SMYD3: variants seen among roughly 807,000 people sequenced by gnomAD.
The protein encoded by SMYD3 is SET and MYND domain containing 3.
A neutral mutation model predicts 57.7 loss-of-function variants in SMYD3; 36 were observed. The observed-to-expected ratio is 0.62, with a 90% CI of 0.48 to 0.82. The LOEUF (loss-of-function observed/expected upper bound fraction) is 0.82, where lower values mean the gene tolerates loss of function less well. SMYD3 is among the 40% of genes least tolerant of loss of function. SMYD3 has a pLI of 0.00. For synonymous variants in SMYD3, 211 were observed against 195.0 expected (o/e 1.08, Z -0.68); for missense variants, 515 against 538.8 (o/e 0.96, Z 0.44).
intron 8 of SMYD3, among the ~76,000 whole-genome samples, chr1:245,875,628 C>T (rs1401530788): frequency 1.1e-4 from 16 of 152,164 alleles, no homozygotes; most frequent in Admixed American, 1.0e-3. Context: ...TGATATAATG[C>T]TTCTCATACC....
chr1:246,060,696 C>G (rs978766578), intron 5 of SMYD3, among the ~76,000 whole-genome samples: 1 of 151,998 alleles, frequency 6.6e-6, no homozygotes, highest in Non-Finnish European at 1.5e-5. Flanking sequence ...AAAATGAGTC[C>G]TAGATCTCAT....
intron 5 of SMYD3, among the ~76,000 whole-genome samples, chr1:245,972,799 C>A (rs1201718487): frequency 6.6e-6 from 1 of 152,174 alleles, no homozygotes; most frequent in Non-Finnish European, 1.5e-5. Context: ...AGAATCCGGG[C>A]CCTGAATAAC....
rs1297448115 is a variant in SMYD3 at position 246,202,994 on chromosome 1, G to T, written c.531+124207C>A. Among the ~76,000 whole-genome samples the T allele has an allele frequency of 6.6e-6, 1 of 152,008 alleles. No homozygotes were observed. Among genetic ancestry groups the T allele is most frequent in the Non-Finnish European group, 1.5e-5 (1 of 67,982 alleles). On this transcript the variant is annotated intron_variant, in intron 5 of 11. Coordinates refer to ENST00000490107, the MANE Select transcript of SMYD3 (RefSeq NM_001167740.2). The surrounding 1 kb of genome is among the most constrained non-coding windows in gnomAD (Gnocchi z 4.1). The stretch of plus-strand genomic sequence containing the variant: ...ACAAAATTTAGCTGGTCGTGGTGGT[G>T]GGCGCCTATAATCCCAGCTACTCAG...
At chr1:246,161,685 A>G (rs189348065) in intron 5 of SMYD3, among the ~76,000 whole-genome samples, 1 of 152,374 alleles carries the variant, frequency 6.6e-6, no homozygotes, top group East Asian at 1.9e-4. Context: ...TATGGCTTAA[A>G]AGTATTGTTC....
intron 5 of SMYD3, among the ~76,000 whole-genome samples, chr1:246,201,114 A>G (rs930271025): frequency 1.3e-5 from 2 of 152,224 alleles, no homozygotes; most frequent in Non-Finnish European, 2.9e-5. Flanking sequence ...CTATTGACAG[A>G]AAATGGTGAT....
intron 5 of SMYD3, among the ~76,000 whole-genome samples, chr1:246,100,239 T>C (rs183795342): frequency 6.6e-6 from 1 of 152,316 alleles, no homozygotes; most frequent in East Asian, 1.9e-4. Flanking sequence ...TATTTTAGAT[T>C]AGTATAAGCT....
intron 10 of SMYD3, among the ~76,000 whole-genome samples, chr1:245,823,279 C>T (rs1376051326): frequency 6.6e-6 from 1 of 152,192 alleles, no homozygotes; most frequent in Non-Finnish European, 1.5e-5. Context: ...TGCTTCTCTG[C>T]CCTTCCCCCA....
At chr1:246,227,513 G>T (rs1003696786) in intron 5 of SMYD3, among the ~76,000 whole-genome samples, 1 of 152,170 alleles carries the variant, frequency 6.6e-6, no homozygotes, top group Non-Finnish European at 1.5e-5. Context: ...TACTCAGGAG[G>T]CTGAGGCAGG....
At chr1:245,942,155 A>T (rs1369795226) in intron 5 of SMYD3, among the ~76,000 whole-genome samples, 3 of 152,224 alleles carry the variant, frequency 2.0e-5, no homozygotes, top group Non-Finnish European at 4.4e-5. Flanking sequence ...AAATGGGCTA[A>T]ATGCCCCAAT....
At chr1:245,833,773 G>T (rs1221468220) in intron 10 of SMYD3, among the ~76,000 whole-genome samples, 1 of 151,978 alleles carries the variant, frequency 6.6e-6, no homozygotes, top group African/African-American at 2.4e-5. Flanking sequence ...TGCAGGCAGG[G>T]ACAACCTCAG....
At chr1:246,383,320 G>T (rs1470709845) in intron 1 of SMYD3, among the ~76,000 whole-genome samples, 1 of 152,146 alleles carries the variant, frequency 6.6e-6, no homozygotes, top group African/African-American at 2.4e-5. Context: ...TCAGTAAAAA[G>T]AATCTTTCTG....
intron 5 of SMYD3, among the ~76,000 whole-genome samples, chr1:246,040,100 C>G (rs911574322): frequency 1.3e-5 from 2 of 152,216 alleles, no homozygotes; most frequent in Non-Finnish European, 2.9e-5. Context: ...TTACAAGATC[C>G]TATCATGAAA....
intron 1 of SMYD3, among the ~76,000 whole-genome samples, chr1:246,366,896 A>T: frequency 7.3e-6 from 1 of 137,286 alleles, no homozygotes; most frequent in Non-Finnish European, 1.5e-5. Context: ...ATGTCATTGC[A>T]CTCCAGCCTG....
chr1:246,320,617 ATT>A (rs2065230028), intron 5 of SMYD3, among the ~76,000 whole-genome samples: 1 of 152,164 alleles, frequency 6.6e-6, no homozygotes, highest in Non-Finnish European at 1.5e-5. Context: ...TTTCTATTTT[ATT>A]GTTCAGATTT....
chr1:245,797,696 ATAT>A (rs2047600049), intron 10 of SMYD3, among the ~76,000 whole-genome samples: 2 of 151,990 alleles, frequency 1.3e-5, no homozygotes, highest in African/African-American at 4.8e-5. Flanking sequence ...AGATAGATAG[ATAT>A]AAAGAAAAGA....
intron 3 of SMYD3, among the ~76,000 whole-genome samples, chr1:246,333,112 G>A (rs2065486998): frequency 6.6e-6 from 1 of 152,188 alleles, no homozygotes; most frequent in Admixed American, 6.5e-5. Flanking sequence ...AAATGCCAGG[G>A]CCCTTACTAT....
At chr1:245,776,318 G>A (rs903262593) in intron 10 of SMYD3, among the ~76,000 whole-genome samples, 43 of 152,170 alleles carry the variant, frequency 2.8e-4, no homozygotes, top group Admixed American at 8.5e-4. Context: ...GGGATTTAAC[G>A]ATCTCAAAGA....
At chr1:246,374,253 C>T (rs913464059) in intron 1 of SMYD3, among the ~76,000 whole-genome samples, 1 of 152,218 alleles carries the variant, frequency 6.6e-6, no homozygotes, top group African/African-American at 2.4e-5. Flanking sequence ...ACTCACTTCT[C>T]ATTATTCATA....
intron 5 of SMYD3, among the ~76,000 whole-genome samples, chr1:246,062,990 T>C (rs1386652342): frequency 6.6e-6 from 1 of 152,218 alleles, no homozygotes; most frequent in Non-Finnish European, 1.5e-5. Flanking sequence ...CTACCACTTT[T>C]GCGTTCTTTA....
Sources: gnomAD v4.1 joint callset for allele counts (sites outside exome capture counted in the v4.1 genomes callset) on GRCh38, gnomAD v4.1.1 for gene constraint, Gnocchi (gnomAD v3.1) non-coding constraint, MANE v1.5 for transcripts, NCBI Gene and HGNC (gene_info 2026-07-23, HGNC 2026-07-21) for gene names.